FAP: variants seen among roughly 807,000 people sequenced by gnomAD.
FAP encodes prolyl endopeptidase FAP.
FAP carries 110 observed loss-of-function variants against 126.5 expected under a neutral mutation model. That is an observed-to-expected ratio of 0.87 (90% CI 0.74 to 1.02). The LOEUF (loss-of-function observed/expected upper bound fraction) is 1.02. FAP is among the 50% of genes least tolerant of loss of function. The probability of loss-of-function intolerance (pLI) is 0.00; values close to 1 mark genes in which losing one functional copy is unlikely to be tolerated. For missense variants in FAP, 919 were observed against 909.2 expected, an observed-to-expected ratio of 1.01 and a Z score of -0.14; for synonymous variants, 334 against 297.3, an observed-to-expected ratio of 1.12 and a Z score of -1.27.
chr2:162,178,296 G>A (rs1021008504), intron 21 of FAP, among the ~76,000 whole-genome samples: 8 of 152,138 alleles, frequency 5.3e-5, no homozygotes, highest in African/African-American at 1.7e-4. Context: ...CAAAACCCTC[G>A]CTGCTCTTCA....
chr2:162,170,879 A>C lies in FAP; in HGVS notation c.*100T>G. 1 of 856,064 alleles carries C rather than the reference A, an allele frequency of 1.2e-6. No homozygotes were observed. Among genetic ancestry groups the C allele is most frequent in the Admixed American group, 2.2e-5 (1 of 44,564 alleles). The allele number at this position is 856,064 out of a possible 1,614,324, so 53.0% of individuals were successfully genotyped here. ...TAGAACAACATTAATTTGTTTGTTTATACTAGCATTTTACAACATAAAAAA... is the reference window on the plus strand; with the variant it reads ...TAGAACAACATTAATTTGTTTGTTTCTACTAGCATTTTACAACATAAAAAA... On this transcript the variant is annotated 3_prime_UTR_variant, in exon 26 of 26. Coordinates refer to ENST00000188790, the MANE Select transcript of FAP (RefSeq NM_004460.5).
In FAP at chr2:162,209,936, G is replaced by T. The variant is rs980965111; in HGVS notation, c.1047+16C>A. On this transcript the variant is annotated intron_variant, in intron 12 of 25. Transcript: ENST00000188790. Reference sequence around the variant, plus strand: ...AAGTTTCATTAAAACATAAGAAAAAGATAGCAAAATCATACTCCACCAGCC... The same window carrying T: ...AAGTTTCATTAAAACATAAGAAAAATATAGCAAAATCATACTCCACCAGCC... 6.2e-7 allele frequency: 1 copy of T among 1,610,396 alleles called. No individual in the cohort carries two copies. Among genetic ancestry groups the T allele is most frequent in the East Asian group, 2.2e-5 (1 of 44,780 alleles).
chr2:162,213,255 A>T (rs1689020800), intron 11 of FAP, among the ~76,000 whole-genome samples: 1 of 152,018 alleles, frequency 6.6e-6, no homozygotes, highest in South Asian at 2.1e-4. Context: ...GCACACCTGT[A>T]GTCCCAGCTA....
At chr2:162,215,440 C>A (rs1689125138) in intron 10 of FAP, among the ~76,000 whole-genome samples, 1 of 152,208 alleles carries the variant, frequency 6.6e-6, no homozygotes, top group African/African-American at 2.4e-5. Context: ...GCCTACAGTT[C>A]ATCTCTAGAC....
Position 162,219,837 on chromosome 2 carries a change from A to G in FAP, c.486+16T>C. On this transcript the variant is annotated intron_variant, in intron 7 of 25. Coordinates refer to ENST00000188790, the MANE Select transcript of FAP (RefSeq NM_004460.5). Reference sequence around the variant, plus strand: ...TTATTTACATGATTAAACACTTCAAAAATTTAAACACTTACTAATTTACTC... The same window carrying G: ...TTATTTACATGATTAAACACTTCAAGAATTTAAACACTTACTAATTTACTC... 1 of 1,582,544 alleles carries G rather than the reference A, an allele frequency of 6.3e-7. No homozygotes were observed. Among genetic ancestry groups the G allele is most frequent in the Non-Finnish European group, 8.7e-7 (1 of 1,153,568 alleles).
chr2:162,203,195 C>A, intron 12 of FAP, 50 bp from the exon 13 acceptor site: 1 of 1,275,342 alleles, frequency 7.8e-7, no homozygotes, highest in South Asian at 1.3e-5. Flanking sequence ...CAAACTAAAA[C>A]CATAGATTTT....
chr2:162,218,339 A>G (rs573641375), intron 8 of FAP, among the ~76,000 whole-genome samples, 199 bp from the exon 9 acceptor site: 5 of 152,148 alleles, frequency 3.3e-5, no homozygotes, highest in East Asian at 1.9e-4. Context: ...TCAAACATCA[A>G]TTAGCCTTGT....
At chr2:162,219,519 T>C (rs1689296704) in intron 7 of FAP, among the ~76,000 whole-genome samples, 1 of 152,148 alleles carries the variant, frequency 6.6e-6, no homozygotes, top group East Asian at 1.9e-4. Flanking sequence ...AGTCCTTAAA[T>C]AAGAGCTTGG....
At chr2:162,209,626 G>C (rs1201465800) in intron 12 of FAP, 1 of 210,736 alleles carries the variant, frequency 4.7e-6, no homozygotes, top group Non-Finnish European at 9.4e-6. Flanking sequence ...GATTTTAACA[G>C]ATCAGGGATT....
chr2:162,183,946 C>T (rs144214517), intron 20 of FAP, among the ~76,000 whole-genome samples: 4 of 152,234 alleles, frequency 2.6e-5, no homozygotes, highest in Non-Finnish European at 5.9e-5. Flanking sequence ...AAATATACAA[C>T]CGTCTTCCAT....
chr2:162,173,108 G>T, intron 24 of FAP, 41 bp downstream of exon 24: 1 of 1,540,034 alleles, frequency 6.5e-7, no homozygotes. Context: ...AGTGATGCTG[G>T]CTCAGTATTT....
chr2:162,177,456 G>C (rs1687524419), intron 21 of FAP, among the ~76,000 whole-genome samples: 1 of 151,854 alleles, frequency 6.6e-6, no homozygotes, highest in Admixed American at 6.6e-5. Context: ...TGGCTCTCTT[G>C]ACGTTCTTTG....
intron 16 of FAP, among the ~76,000 whole-genome samples, chr2:162,197,278 A>T (rs1437285566): frequency 6.6e-6 from 1 of 152,226 alleles, no homozygotes; most frequent in Non-Finnish European, 1.5e-5. Flanking sequence ...TAGAAATACA[A>T]AGATTAAAAG....
chr2:162,195,889 C>T (rs1206722849), intron 16 of FAP, among the ~76,000 whole-genome samples: 3 of 152,052 alleles, frequency 2.0e-5, no homozygotes, highest in Non-Finnish European at 4.4e-5. Flanking sequence ...GAGGATGCTA[C>T]CTTCTATGTG....
chr2:162,242,362 A>G lies in FAP; in HGVS notation c.91+546T>C, dbSNP rs528903874. Among the ~76,000 whole-genome samples the G allele has an allele frequency of 1.2e-3, 187 of 152,304 alleles. 1 individual carries two copies. Among genetic ancestry groups the G allele is most frequent in the African/African-American group, 4.2e-3 (174 of 41,568 alleles). ...TATGACTGATCAAAATGCTTGCTTAACAATGTTTGGTTTTCTAATTTGATG... is the reference window on the plus strand; with the variant it reads ...TATGACTGATCAAAATGCTTGCTTAGCAATGTTTGGTTTTCTAATTTGATG... On this transcript the variant is annotated intron_variant, in intron 2 of 25. Coordinates refer to ENST00000188790, the MANE Select transcript of FAP (RefSeq NM_004460.5).
At chr2:162,200,089 A>G (rs553502329) in intron 15 of FAP, among the ~76,000 whole-genome samples, 1 of 152,338 alleles carries the variant, frequency 6.6e-6, no homozygotes, top group Admixed American at 6.5e-5. Context: ...ACACCCAGAA[A>G]GGGCTGTCGA....
intron 2 of FAP, among the ~76,000 whole-genome samples, chr2:162,238,151 T>G (rs1026810870): frequency 1.3e-5 from 2 of 152,056 alleles, no homozygotes; most frequent in African/African-American, 4.8e-5. Flanking sequence ...GTAGGTTGCC[T>G]GTTCACTCTA....
chr2:162,186,508 G>T (rs998420644), intron 20 of FAP, among the ~76,000 whole-genome samples: 1 of 151,974 alleles, frequency 6.6e-6, no homozygotes, highest in Non-Finnish European at 1.5e-5. Flanking sequence ...AGGTTCAAAT[G>T]GTGCATCTGT....
Position 162,218,046 on chromosome 2 carries a change from A to T in FAP, c.702T>A (p.Ile234=), listed in dbSNP as rs199680554. 1.9e-5 allele frequency: 30 copies of T among 1,607,146 alleles called. 1 individual carries two copies. In the South Asian group the frequency reaches 3.2e-4, roughly 17 times the overall value. Residue 234 remains isoleucine, a synonymous_variant, in exon 9 of 26, where the codon ATT becomes ATA. Coordinates refer to ENST00000188790, the MANE Select transcript of FAP (RefSeq NM_004460.5). Reference sequence around the variant, plus strand: ...GTTCATCGCCATAATAGGAATAGGCAATAACTGGTATATCCGTATCATTAA... The same window carrying T: ...GTTCATCGCCATAATAGGAATAGGCTATAACTGGTATATCCGTATCATTAA... ...AEFNDTDIPV[I]AYSYYGDEQY... is the part of the protein sequence containing the mutation.
Sources: gnomAD v4.1 joint callset for allele counts (sites outside exome capture counted in the v4.1 genomes callset) on GRCh38, gnomAD v4.1.1 for gene constraint, MANE v1.5 for transcripts, NCBI Gene and HGNC (gene_info 2026-07-23, HGNC 2026-07-21) for gene names.